TRIM23: variants seen among roughly 807,000 people sequenced by gnomAD.
TRIM23 encodes the protein tripartite motif containing 23.
Under a neutral mutation model 71.0 loss-of-function variants are expected in TRIM23, and 27 were observed. The ratio of observed to expected loss-of-function variants is 0.38; its 90% CI spans 0.28 to 0.52. TRIM23 has a LOEUF of 0.52. TRIM23 is among the 20% of genes least tolerant of loss of function. The probability of loss-of-function intolerance (pLI) is 0.84; values close to 1 mark genes in which losing one functional copy is unlikely to be tolerated. For missense variants in TRIM23, 482 were observed against 692.3 expected (o/e 0.70, Z 3.41); for synonymous variants, 234 against 238.0 (o/e 0.98, Z 0.16).
intron 7 of TRIM23, among the ~76,000 whole-genome samples, chr5:65,603,291 T>A (rs560685164): frequency 6.6e-5 from 10 of 152,316 alleles, no homozygotes; most frequent in African/African-American, 1.9e-4. Flanking sequence ...ATAGCAAATT[T>A]TTTATTATGT....
chr5:65,611,070 A>G (rs748905134), intron 4 of TRIM23, 27 bp from the exon 5 acceptor site: 1 of 1,574,582 alleles, frequency 6.4e-7, no homozygotes. Flanking sequence ...AATTAGAGAA[A>G]AGAACTCATA....
intron 1 of TRIM23, among the ~76,000 whole-genome samples, chr5:65,620,841 C>T (rs370599171): frequency 6.6e-6 from 1 of 151,728 alleles, no homozygotes; most frequent in East Asian, 1.9e-4. Flanking sequence ...TTTGGGACAC[C>T]AAGGCAAGAG....
Position 65,596,489 on chromosome 5 carries a change from G to T in TRIM23, c.1352C>A (p.Thr451Asn), listed in dbSNP as rs1319743252. 6.2e-7 allele frequency: 1 copy of T among 1,611,636 alleles called. No homozygotes were observed. The highest frequency in any genetic ancestry group is 1.1e-5 in the South Asian group (1 of 90,958). Residue 451 changes from threonine to asparagine, a missense_variant, in exon 9 of 11, where the codon ACT (threonine) becomes AAT (asparagine). Thr to Asn is a moderately conservative substitution (Grantham distance 65). This residue lies in a region of TRIM23 where 307 missense variants were observed against 495.8 expected (regional missense o/e 0.62). Transcript: ENST00000231524. ...GTGTTTTCCACCTACATCCCAAATA[G>T]TGAATTTTAGATTTTTATATTCTAC... ...ETVEYKNLKF[T>N]IWDVGGKHKL...
At chr5:65,614,271 C>A in intron 2 of TRIM23, 52 bp from the exon 3 acceptor site, 2 of 1,530,656 alleles carry the variant, frequency 1.3e-6, no homozygotes, top group South Asian at 2.3e-5. Context: ...GACTATTAAT[C>A]ATTTTACCCA....
At chr5:65,603,833 A>G (rs1218949945) in intron 7 of TRIM23, among the ~76,000 whole-genome samples, 2 of 152,236 alleles carry the variant, frequency 1.3e-5, no homozygotes, top group African/African-American at 4.8e-5. Flanking sequence ...TGTATCTAAA[A>G]TAAAGCAACC....
In TRIM23 at chr5:65,604,954, T is replaced by C; in HGVS notation, c.1136A>G (p.Asp379Gly). Reference protein sequence around the residue: ...KQQQQFTEVADHIQLDASIPV... With the variant: ...KQQQQFTEVAGHIQLDASIPV... ...GATGCTGGCATCCAACTGAATGTGA[T>C]CTGCAACTTCTGTAAACTGCTGCTG... is the stretch of plus-strand genomic sequence containing the variant. Residue 379 changes from aspartate to glycine, a missense_variant, in exon 7 of 11, where the codon GAT (aspartate) becomes GGT (glycine). By Grantham distance (94) the Asp-to-Gly change is moderately conservative. This residue lies in a region of TRIM23 where 307 missense variants were observed against 495.8 expected (regional missense o/e 0.62). Transcript: ENST00000231524. 6.2e-7 allele frequency: 1 copy of C among 1,614,038 alleles called. No homozygotes were observed. Among genetic ancestry groups the C allele is most frequent in the Non-Finnish European group, 8.5e-7 (1 of 1,179,958 alleles).
In TRIM23 at chr5:65,591,853, A is replaced by G. The variant is rs1215535822; in HGVS notation, c.1641T>C (p.Asp547=). Reference sequence around the variant, plus strand: ...CATACAGTCCCATACCACTTCGAGCATCACAGCCCTGAATATACCAGCTAC... The same window carrying G: ...CATACAGTCCCATACCACTTCGAGCGTCACAGCCCTGAATATACCAGCTAC... ...CGRSWYIQGC[D]ARSGMGLYEG... Residue 547 remains aspartate, a synonymous_variant, in exon 11 of 11, where the codon GAT becomes GAC. Coordinates refer to ENST00000231524, the MANE Select transcript of TRIM23 (RefSeq NM_001656.4). 1 of 1,613,988 alleles carries G rather than the reference A, an allele frequency of 6.2e-7. No homozygotes were observed. The highest frequency in any genetic ancestry group is 8.5e-7 in the Non-Finnish European group (1 of 1,180,006).
At chr5:65,615,773 A>T (rs1754762764) in intron 2 of TRIM23, among the ~76,000 whole-genome samples, 1 of 152,244 alleles carries the variant, frequency 6.6e-6, no homozygotes, top group African/African-American at 2.4e-5. Flanking sequence ...AACCTCTAGC[A>T]TTATTACTAG....
At chr5:65,614,822 A>G (rs1754740216) in intron 2 of TRIM23, among the ~76,000 whole-genome samples, 1 of 152,182 alleles carries the variant, frequency 6.6e-6, no homozygotes, top group Non-Finnish European at 1.5e-5. Flanking sequence ...TAATGTCCCT[A>G]AACTTAGAAA....
Position 65,592,001 on chromosome 5 carries a change from C to G in TRIM23, c.1546-53G>C, listed in dbSNP as rs114424219. 5.8e-3 allele frequency: 8,586 copies of G among 1,487,800 alleles called. 434 individuals are homozygous for G. In the African/African-American group the frequency reaches 0.11, roughly 19 times the overall value. 92.2% of individuals were successfully genotyped at this position (1,487,800 alleles called of 1,614,324 possible). A position where few individuals can be genotyped will look rare whatever the true frequency, so the allele number is the denominator to read the frequency against. On this transcript the variant is annotated intron_variant, in intron 10 of 10. Coordinates refer to ENST00000231524, the MANE Select transcript of TRIM23 (RefSeq NM_001656.4). Reference sequence around the variant, plus strand: ...TCAGTCCATCCAAATTATAATTTTTCTAATTATCACCATTTATAGAGAAAT... The same window carrying G: ...TCAGTCCATCCAAATTATAATTTTTGTAATTATCACCATTTATAGAGAAAT...
chr5:65,622,410 G>A (rs1453316771), intron 1 of TRIM23, among the ~76,000 whole-genome samples: 6 of 151,878 alleles, frequency 4.0e-5, no homozygotes, highest in Non-Finnish European at 7.4e-5. Context: ...CAAGTGATCC[G>A]CCCACTTTGG....
rs765397285 is a variant in TRIM23 at position 65,611,721 on chromosome 5, G to GT, written c.526dup (p.Thr176AsnfsTer12). 1 of 1,614,176 alleles carries GT rather than the reference G, an allele frequency of 6.2e-7. No individual in the cohort carries two copies. Among genetic ancestry groups the GT allele is most frequent in the Admixed American group, 1.7e-5 (1 of 60,024 alleles). On this transcript the variant is annotated frameshift_variant, in exon 4 of 11. Transcript: ENST00000231524. LOFTEE classifies it high-confidence loss of function. ...ATGCACCTGGTGCTGAGAGCACATA[G>GT]TTTTCTCATGAGGTTTATCAGCTAG...
At position 65,624,247 on chromosome 5, in the gene TRIM23, C is replaced by T; in HGVS notation, c.28G>A (p.Gly10Arg). 6.2e-7 allele frequency: 1 copy of T among 1,614,212 alleles called. No individual in the cohort carries two copies. Among genetic ancestry groups the T allele is most frequent in the Non-Finnish European group, 8.5e-7 (1 of 1,180,040 alleles). Residue 10 changes from glycine (G) to arginine (R), a missense_variant, in exon 1 of 11, where the codon GGA becomes AGA. Transcript: ENST00000231524. MATLVVNKLGAGVDSGRQGS... is the reference protein window; with the variant it reads MATLVVNKLRAGVDSGRQGS... ...TGCCGGCCACTGTCTACTCCCGCTC[C>T]GAGCTTGTTTACAACCAGGGTAGCC...
intron 10 of TRIM23, among the ~76,000 whole-genome samples, chr5:65,593,969 T>G (rs751508546): frequency 6.6e-6 from 1 of 152,224 alleles, no homozygotes; most frequent in Non-Finnish European, 1.5e-5. Context: ...TCCTTGCTCA[T>G]AGAATAAAAC....
chr5:65,591,217 A>G lies in TRIM23; in HGVS notation c.*552T>C. ...TCTGTACCTTATAGTTCTTAGCATT[A>G]AAGGTGTTCTGTTAACTCTGAACAT... On this transcript the variant is annotated 3_prime_UTR_variant, in exon 11 of 11. Transcript: ENST00000231524. 1 of 1,228,972 alleles carries G rather than the reference A, an allele frequency of 8.1e-7. No individual in the cohort carries two copies. Among genetic ancestry groups the G allele is most frequent in the Non-Finnish European group, 1.0e-6 (1 of 983,364 alleles). 76.1% of individuals were successfully genotyped at this position (1,228,972 alleles called of 1,614,324 possible).
chr5:65,590,074 G>A lies in TRIM23; in HGVS notation c.*1695C>T, dbSNP rs1753977019. On this transcript the variant is annotated 3_prime_UTR_variant, in exon 11 of 11. Coordinates refer to ENST00000231524, the MANE Select transcript of TRIM23 (RefSeq NM_001656.4). ...ATTTTTCAACTGTGTTCAGTTATATGCTAAGAATGTGCATTACAAAGTTTA... is the reference window on the plus strand; with the variant it reads ...ATTTTTCAACTGTGTTCAGTTATATACTAAGAATGTGCATTACAAAGTTTA... 2.5e-6 allele frequency: 1 copy of A among 395,794 alleles called. No homozygotes were observed. The highest frequency in any genetic ancestry group is 4.6e-5 in the Admixed American group (1 of 21,650). 24.5% of individuals were successfully genotyped at this position (395,794 alleles called of 1,614,324 possible).
intron 2 of TRIM23, 74 bp downstream of exon 2, chr5:65,618,019 G>A: frequency 7.2e-7 from 1 of 1,387,276 alleles, no homozygotes. Context: ...TCAAGTGGAA[G>A]GACATTGTTT....
intron 7 of TRIM23, among the ~76,000 whole-genome samples, chr5:65,604,382 A>C (rs1754440624): frequency 6.6e-6 from 1 of 152,158 alleles, no homozygotes; most frequent in South Asian, 2.1e-4. Context: ...GGTGTGAGCC[A>C]CCGCACCCGG....
At position 65,618,073 on chromosome 5, in the gene TRIM23, C is replaced by A; in HGVS notation, c.244+20G>T. 6.4e-7 allele frequency: 1 copy of A among 1,562,686 alleles called. No individual in the cohort carries two copies. The highest frequency in any genetic ancestry group is 1.9e-5 in the Admixed American group (1 of 52,926). On this transcript the variant is annotated intron_variant, in intron 2 of 10. Coordinates refer to ENST00000231524, the MANE Select transcript of TRIM23 (RefSeq NM_001656.4). ...CATGAACAATTTTCAATCTTAAATC[C>A]ATACAAATACTTTTCCTACCTAGGT...
Sources: allele counts gnomAD v4.1 joint callset (sites outside exome capture counted in the v4.1 genomes callset), GRCh38; gene constraint gnomAD v4.1.1; regional missense constraint gnomAD v4.1.1; transcripts MANE v1.5; gene names NCBI Gene and HGNC (gene_info 2026-07-23, HGNC 2026-07-21).